DPP10: variants seen among roughly 807,000 people sequenced by gnomAD.
The protein encoded by DPP10 is inactive dipeptidyl peptidase 10.
Under a neutral mutation model 120.9 loss-of-function variants are expected in DPP10, and 33 were observed. The ratio of observed to expected loss-of-function variants is 0.27; its 90% CI spans 0.21 to 0.37. DPP10 has a LOEUF of 0.37. Ranked by LOEUF, DPP10 falls within the 10% of genes least tolerant of loss-of-function variation. The pLI is 1.00. For synonymous variants in DPP10, 337 were observed against 326.1 expected (o/e 1.03, Z -0.36); for missense variants, 816 against 942.8 (o/e 0.87, Z 1.76).
At chr2:115,389,179 T>G (rs2067155606) in intron 3 of DPP10, among the ~76,000 whole-genome samples, 1 of 152,072 alleles carries the variant, frequency 6.6e-6, no homozygotes, top group African/African-American at 2.4e-5. Context: ...ACATCAGCTT[T>G]TAAAATGTTG....
In DPP10 at chr2:115,782,384, A is replaced by G. The variant is rs754688517; in HGVS notation, c.1516A>G (p.Thr506Ala). Residue 506 changes from threonine to alanine, a missense_variant, in exon 17 of 26, where the codon ACG (threonine) becomes GCG (alanine). This residue lies in a region of DPP10 where 592 missense variants were observed against 649.0 expected (regional missense o/e 0.91). Coordinates refer to ENST00000410059, the MANE Select transcript of DPP10 (RefSeq NM_020868.6). ...PRVPVVSLHSTDNPAKYFILE... is the reference protein window; with the variant it reads ...PRVPVVSLHSADNPAKYFILE... Reference sequence around the variant, plus strand: ...GGTCCCAGTGGTCAGCCTACATAGTACGGACAACCCAGCAAGTGAGTACAC... The same window carrying G: ...GGTCCCAGTGGTCAGCCTACATAGTGCGGACAACCCAGCAAGTGAGTACAC... The G allele has an allele frequency of 1.2e-6, 2 of 1,612,530 alleles. No individual in the cohort carries two copies. Among genetic ancestry groups the G allele is most frequent in the East Asian group, 2.2e-5 (1 of 44,838 alleles).
intron 1 of DPP10, among the ~76,000 whole-genome samples, chr2:114,992,969 T>C (rs1700836329): frequency 6.6e-6 from 1 of 152,206 alleles, no homozygotes; most frequent in Non-Finnish European, 1.5e-5. Context: ...CCTTTATTGA[T>C]TTTCCTCATG....
intron 1 of DPP10, among the ~76,000 whole-genome samples, chr2:114,590,115 A>ATAT (rs889375161): frequency 6.6e-6 from 1 of 152,152 alleles, no homozygotes; most frequent in Non-Finnish European, 1.5e-5. Context: ...TTTATTATAA[A>ATAT]TATTATTATA....
At chr2:115,439,598 T>A (rs2071831229) in intron 3 of DPP10, among the ~76,000 whole-genome samples, 1 of 152,224 alleles carries the variant, frequency 6.6e-6, no homozygotes, top group South Asian at 2.1e-4. Context: ...GCTGTTTTAT[T>A]TCTACGAGAA....
intron 19 of DPP10, among the ~76,000 whole-genome samples, chr2:115,810,032 G>A (rs968013415): frequency 2.6e-5 from 4 of 151,924 alleles, no homozygotes; most frequent in African/African-American, 7.2e-5. Flanking sequence ...GCATGGTGGC[G>A]GGAGCCTGTA....
At chr2:115,173,252 G>T (rs1217887801) in intron 1 of DPP10, among the ~76,000 whole-genome samples, 1 of 152,096 alleles carries the variant, frequency 6.6e-6, no homozygotes, top group Admixed American at 6.5e-5. Flanking sequence ...GCAAATATTT[G>T]AAAATAGATA....
At chr2:114,446,596 G>A (rs1343443914) in intron 1 of DPP10, among the ~76,000 whole-genome samples, 1 of 152,068 alleles carries the variant, frequency 6.6e-6, no homozygotes, top group Non-Finnish European at 1.5e-5. Flanking sequence ...CTTCCATTTA[G>A]AAAAGAGTCT....
chr2:115,155,750 G>A (rs2051867089), intron 1 of DPP10, among the ~76,000 whole-genome samples: 1 of 152,104 alleles, frequency 6.6e-6, no homozygotes, highest in African/African-American at 2.4e-5. Context: ...AAAACCAATG[G>A]CAGAAGCAAT....
At chr2:114,820,420 G>T (rs763772633) in intron 1 of DPP10, among the ~76,000 whole-genome samples, 3 of 152,118 alleles carry the variant, frequency 2.0e-5, no homozygotes, top group Non-Finnish European at 2.9e-5. Context: ...TACTCAACAG[G>T]TCTTTGATTT....
At chr2:115,558,226 G>C (rs551588402) in intron 5 of DPP10, among the ~76,000 whole-genome samples, 1 of 152,080 alleles carries the variant, frequency 6.6e-6, no homozygotes, top group Admixed American at 6.5e-5. Flanking sequence ...TTGGTCAGCC[G>C]CTCTCCATAA....
chr2:114,888,828 G>C (rs1381164892), intron 1 of DPP10, among the ~76,000 whole-genome samples: 2 of 152,122 alleles, frequency 1.3e-5, no homozygotes, highest in African/African-American at 4.8e-5. Flanking sequence ...AGATAACTTG[G>C]CTGAGAACTC....
intron 1 of DPP10, among the ~76,000 whole-genome samples, chr2:114,622,087 T>C (rs1694133616): frequency 6.6e-6 from 1 of 151,932 alleles, no homozygotes. Context: ...CTAACCAGAT[T>C]TCAGACAGCC....
intron 3 of DPP10, among the ~76,000 whole-genome samples, chr2:115,380,327 G>A (rs1318618293): frequency 6.6e-6 from 1 of 152,090 alleles, no homozygotes; most frequent in Non-Finnish European, 1.5e-5. Flanking sequence ...TGTCTCTTTT[G>A]ATCTTTGTTG....
At chr2:115,537,634 T>C (rs542195215) in intron 5 of DPP10, among the ~76,000 whole-genome samples, 2 of 149,974 alleles carry the variant, frequency 1.3e-5, no homozygotes, top group Non-Finnish European at 3.0e-5. Flanking sequence ...GGCAGTAGTA[T>C]ATTAGGAAAA....
chr2:115,099,256 G>A (rs1246809563), intron 1 of DPP10, among the ~76,000 whole-genome samples: 1 of 152,128 alleles, frequency 6.6e-6, no homozygotes, highest in Non-Finnish European at 1.5e-5. Flanking sequence ...GGAGGTTGCT[G>A]CGAGCCAAGG....
At chr2:114,916,712 T>TA (rs1485073675) in intron 1 of DPP10, among the ~76,000 whole-genome samples, 3 of 151,842 alleles carry the variant, frequency 2.0e-5, no homozygotes, top group African/African-American at 7.2e-5. Context: ...AAAGAGAACT[T>TA]AAAAACCACA....
intron 9 of DPP10, among the ~76,000 whole-genome samples, chr2:115,740,811 C>T (rs1427018509): frequency 6.6e-6 from 1 of 151,972 alleles, no homozygotes; most frequent in Non-Finnish European, 1.5e-5. Context: ...TGTGTAAGGC[C>T]CCCAGTATAT....
intron 1 of DPP10, among the ~76,000 whole-genome samples, chr2:114,633,700 G>A (rs757246891): frequency 2.0e-5 from 3 of 151,460 alleles, no homozygotes; most frequent in Admixed American, 1.3e-4. Flanking sequence ...TGCAACCTCC[G>A]CCTCCTGAGT....
At chr2:114,601,049 C>T (rs1692323216) in intron 1 of DPP10, among the ~76,000 whole-genome samples, 1 of 151,864 alleles carries the variant, frequency 6.6e-6, no homozygotes, top group Non-Finnish European at 1.5e-5. Context: ...GCAAACGACT[C>T]ACATTTCCTA....
Sources: allele counts gnomAD v4.1 joint callset (sites outside exome capture counted in the v4.1 genomes callset), GRCh38; gene constraint gnomAD v4.1.1; regional missense constraint gnomAD v4.1.1; transcripts MANE v1.5; gene names NCBI Gene and HGNC (gene_info 2026-07-23, HGNC 2026-07-21).